Variants in E2F8 observed in about 807,000 individuals in gnomAD.
E2F8 encodes transcription factor E2F8.
E2F8 carries 35 observed loss-of-function variants against 80.8 expected under a neutral mutation model. The observed-to-expected ratio is 0.43, with a 90% CI of 0.33 to 0.57. E2F8 has a LOEUF of 0.57. Ranked by LOEUF, E2F8 falls within the 20% of genes least tolerant of loss-of-function variation. The pLI is 0.04. For missense variants in E2F8, 975 were observed against 1,056.2 expected, an observed-to-expected ratio of 0.92 and a Z score of 1.07; for synonymous variants, 386 against 395.0, an observed-to-expected ratio of 0.98 and a Z score of 0.27.
Position 19,240,129 on chromosome 11 carries a change from A to G in E2F8, c.-8T>C. On this transcript the variant is annotated 5_prime_UTR_variant, in exon 2 of 13. Coordinates refer to ENST00000250024, the MANE Select transcript of E2F8 (RefSeq NM_024680.4). ...TACCTTTTCGTTCTCCATTCTGTAAATTCCTCATACATTTAGAGTTTAAAA... is the reference window on the plus strand; with the variant it reads ...TACCTTTTCGTTCTCCATTCTGTAAGTTCCTCATACATTTAGAGTTTAAAA... 1 of 1,521,388 alleles carries G rather than the reference A, an allele frequency of 6.6e-7. No individual in the cohort carries two copies. The highest frequency in any genetic ancestry group is 8.9e-7 in the Non-Finnish European group (1 of 1,129,512). 94.2% of individuals were successfully genotyped at this position (1,521,388 alleles called of 1,614,324 possible). A position where few individuals can be genotyped will look rare whatever the true frequency, so the allele number is the denominator to read the frequency against.
intron 7 of E2F8, among the ~76,000 whole-genome samples, chr11:19,231,864 C>T (rs1851391783): frequency 6.6e-6 from 1 of 152,158 alleles, no homozygotes; most frequent in African/African-American, 2.4e-5. Flanking sequence ...TCTTTTCAAT[C>T]ATATATATCT....
Position 19,225,778 on chromosome 11 carries a change from T to A in E2F8, c.1980A>T (p.Ser660=). The A allele has an allele frequency of 1.2e-6, 2 of 1,614,094 alleles. No individual in the cohort carries two copies. The highest frequency in any genetic ancestry group is 1.7e-6 in the Non-Finnish European group (2 of 1,180,002). Residue 660 remains serine (S), a synonymous_variant, in exon 11 of 13, where the codon TCA becomes TCT. Coordinates refer to ENST00000250024, the MANE Select transcript of E2F8 (RefSeq NM_024680.4). ...AESILSGKEN[S]SALSPNHRIY... is the part of the protein sequence containing the mutation. ...TCCTGTGGTTTGGGGAAAGAGCACT[T>A]GAGTTTTCTTTACCAGACAAAATGG...
chr11:19,236,825 G>T (rs764229345), intron 4 of E2F8, among the ~76,000 whole-genome samples: 1 of 152,120 alleles, frequency 6.6e-6, no homozygotes, highest in Non-Finnish European at 1.5e-5. Context: ...AGTAAAAAGG[G>T]GCAGGAGGAA....
chr11:19,230,155 G>A, intron 9 of E2F8, 86 bp downstream of exon 9: 1 of 1,503,076 alleles, frequency 6.7e-7, no homozygotes, highest in East Asian at 2.3e-5. Context: ...TTCAAGGCTA[G>A]GGCTTCTTCT....
chr11:19,225,515 G>A lies in E2F8; in HGVS notation c.2127C>T (p.Ala709=), dbSNP rs747300781. 44 of 1,614,094 alleles carry A rather than the reference G, an allele frequency of 2.7e-5. No individual in the cohort carries two copies. In the East Asian group the frequency reaches 7.4e-4, roughly 27 times the overall value. ...KLMVSPTSVA[A]VPVGNSPALA... is the part of the protein sequence containing the mutation. ...GAGCCGGGCTGTTCCCGACAGGTAC[G>A]GCTGCCACGGAAGTTGGTGAGACCA... Residue 709 remains alanine (A), a synonymous_variant, in exon 12 of 13, where the codon GCC becomes GCT. Transcript: ENST00000250024.
chr11:19,234,211 T>A (rs1851454359), intron 6 of E2F8, 149 bp downstream of exon 6: 2 of 779,786 alleles, frequency 2.6e-6, no homozygotes, highest in Non-Finnish European at 3.9e-6. Context: ...TAAATCAATA[T>A]TATCATGGCT....
At chr11:19,232,539 T>TA (rs1851409713) in intron 6 of E2F8, among the ~76,000 whole-genome samples, 168 bp from the exon 7 acceptor site, 1 of 152,042 alleles carries the variant, frequency 6.6e-6, no homozygotes, top group South Asian at 2.1e-4. Context: ...TTAATTAAGA[T>TA]AAAAAAGTTT....
rs568969711 is a variant in E2F8, at chr11:19,238,224, T to G, written c.16-92A>C. The G allele has an allele frequency of 2.3e-5, 30 of 1,318,458 alleles. No homozygotes were observed. In the African/African-American group the frequency reaches 4.1e-4, roughly 18 times the overall value. The allele number at this position is 1,318,458 out of a possible 1,614,324, so 81.7% of individuals were successfully genotyped here. On this transcript the variant is annotated intron_variant, in intron 2 of 12. Transcript: ENST00000250024. ...AGAAATTGCATAACGAATAGAATCATGCCAAGGAAAAAATGTCTAATGAGA... is the reference window on the plus strand; with the variant it reads ...AGAAATTGCATAACGAATAGAATCAGGCCAAGGAAAAAATGTCTAATGAGA...
chr11:19,235,029 C>G lies in E2F8; in HGVS notation c.481G>C (p.Val161Leu), dbSNP rs1240222124. 1 of 1,609,692 alleles carries G rather than the reference C, an allele frequency of 6.2e-7. No individual in the cohort carries two copies. ...ATATGTAAACTCTCTAGGACGTTCA[C>G]GATATCGTAAATGCGTCGACGTTCA... Reference protein sequence around the residue: ...NVERRRIYDIVNVLESLHMVS... With the variant: ...NVERRRIYDILNVLESLHMVS... Residue 161 changes from valine to leucine, a missense_variant, in exon 5 of 13, where the codon GTG (valine) becomes CTG (leucine). Coordinates refer to ENST00000250024, the MANE Select transcript of E2F8 (RefSeq NM_024680.4).
intron 2 of E2F8, 29 bp downstream of exon 2, chr11:19,240,078 C>T (rs1477007491): frequency 5.4e-6 from 8 of 1,487,736 alleles, no homozygotes; most frequent in Non-Finnish European, 7.2e-6. Flanking sequence ...TTTAAAATTG[C>T]AATGATGAAT....
chr11:19,237,571 T>A, intron 3 of E2F8, 101 bp from the exon 4 acceptor site: 1 of 1,267,018 alleles, frequency 7.9e-7, no homozygotes, highest in Non-Finnish European at 1.1e-6. Context: ...TACACACGCT[T>A]AGCTTCAACA....
In E2F8 at chr11:19,234,832, T is replaced by C; in HGVS notation, c.678A>G (p.Ile226Met). 6.2e-7 allele frequency: 1 copy of C among 1,614,254 alleles called. No individual in the cohort carries two copies. Residue 226 changes from isoleucine to methionine, a missense_variant, in exon 5 of 13, where the codon ATA becomes ATG. Physicochemically the swap from Ile to Met is conservative, Grantham distance 10. Transcript: ENST00000250024. ...QEFDFIKSYS[I>M]EDHIIKSNTG... ...TGTTTGATTTGATGATATGATCCTC[T>C]ATACTGTAACTCTTAATAAAGTCAA...
intron 10 of E2F8, among the ~76,000 whole-genome samples, chr11:19,226,686 C>G (rs1378072605): frequency 6.6e-6 from 1 of 152,132 alleles, no homozygotes; most frequent in Non-Finnish European, 1.5e-5. Context: ...GCAACAGAGC[C>G]CATATGGCCT....
chr11:19,233,522 C>CTGT (rs1175586733), intron 6 of E2F8, among the ~76,000 whole-genome samples: 4 of 152,082 alleles, frequency 2.6e-5, no homozygotes, highest in Admixed American at 6.5e-5. Context: ...GAGTCTTGCT[C>CTGT]TGTCCCCCAG....
chr11:19,238,264 AAATT>A (rs776005777), intron 2 of E2F8, 132 bp from the exon 3 acceptor site: 12 of 876,162 alleles, frequency 1.4e-5, no homozygotes, highest in Non-Finnish European at 1.7e-5. Flanking sequence ...AGAGTTGAGG[AAATT>A]AATAACTGTA....
Position 19,234,983 on chromosome 11 carries a change from T to C in E2F8, c.527A>G (p.Asn176Ser), listed in dbSNP as rs1237975267. ...SLHMVSRLAK[N>S]RYTWHGRHNL... ...GTGTCGCCCGTGCCAAGTGTACCTG[T>C]TTTTGGCGAGGCGGCTCACCATATG... is the stretch of plus-strand genomic sequence containing the variant. Residue 176 changes from asparagine (N) to serine (S), a missense_variant, in exon 5 of 13, where the codon AAC becomes AGC. Coordinates refer to ENST00000250024, the MANE Select transcript of E2F8 (RefSeq NM_024680.4). The C allele has an allele frequency of 3.1e-6, 5 of 1,614,038 alleles. No homozygotes were observed. The highest frequency in any genetic ancestry group is 4.2e-6 in the Non-Finnish European group (5 of 1,180,024).
At position 19,234,998 on chromosome 11, in the gene E2F8, C is replaced by T. The variant is rs887030175; in HGVS notation, c.512G>A (p.Ser171Asn). Residue 171 changes from serine (S) to asparagine (N), a missense_variant, in exon 5 of 13, where the codon AGC (serine) becomes AAC (asparagine). By Grantham distance (46) the Ser-to-Asn change is conservative. Transcript: ENST00000250024. ...VNVLESLHMV[S>N]RLAKNRYTWH... Reference sequence around the variant, plus strand: ...AGTGTACCTGTTTTTGGCGAGGCGGCTCACCATATGTAAACTCTCTAGGAC... The same window carrying T: ...AGTGTACCTGTTTTTGGCGAGGCGGTTCACCATATGTAAACTCTCTAGGAC... 6.2e-7 allele frequency: 1 copy of T among 1,614,212 alleles called. No homozygotes were observed. The highest frequency in any genetic ancestry group is 1.1e-5 in the South Asian group (1 of 91,084).
At chr11:19,237,229 G>T in intron 4 of E2F8, 85 bp downstream of exon 4, 1 of 1,284,046 alleles carries the variant, frequency 7.8e-7, no homozygotes, top group Non-Finnish European at 1.1e-6. Flanking sequence ...ACAAACACTG[G>T]CTAGATGAGC....
intron 11 of E2F8, 58 bp downstream of exon 11, chr11:19,225,674 A>G: frequency 6.2e-7 from 1 of 1,610,092 alleles, no homozygotes; most frequent in Non-Finnish European, 8.5e-7. Context: ...AGAAGTTGAC[A>G]AGGCTTAAGT....
Sources: allele counts gnomAD v4.1 joint callset (sites outside exome capture counted in the v4.1 genomes callset), GRCh38; gene constraint gnomAD v4.1.1; transcripts MANE v1.5; gene names NCBI Gene and HGNC (gene_info 2026-07-23, HGNC 2026-07-21).